NDUFAF2: variants seen among roughly 807,000 people sequenced by gnomAD.
NDUFAF2 encodes the protein NADH:ubiquinone oxidoreductase complex assembly factor 2.
Under a neutral mutation model 22.8 loss-of-function variants are expected in NDUFAF2, and 13 were observed. That is an observed-to-expected ratio of 0.57 (90% CI 0.37 to 0.91). The LOEUF is 0.91. Among genes scored for constraint, NDUFAF2 ranks in the 40% least tolerant of loss-of-function variants. NDUFAF2 has a pLI of 0.01. For synonymous variants in NDUFAF2, 53 were observed against 64.2 expected, an observed-to-expected ratio of 0.83 and a Z score of 0.84; for missense variants, 162 against 195.2, an observed-to-expected ratio of 0.83 and a Z score of 1.01.
intron 3 of NDUFAF2, among the ~76,000 whole-genome samples, chr5:61,125,159 C>T (rs772487018): frequency 2.6e-5 from 4 of 151,992 alleles, no homozygotes; most frequent in Non-Finnish European, 5.9e-5. Flanking sequence ...CACACTGTGT[C>T]ACATTGTTTC....
intron 3 of NDUFAF2, among the ~76,000 whole-genome samples, chr5:61,106,567 T>A (rs895433044): frequency 3.2e-4 from 48 of 151,530 alleles, no homozygotes; most frequent in Middle Eastern, 3.4e-3. Flanking sequence ...TATACTCTTT[T>A]AGTTATTTGA....
intron 1 of NDUFAF2, among the ~76,000 whole-genome samples, chr5:60,958,481 T>C (rs1348349184): frequency 6.6e-6 from 1 of 152,198 alleles, no homozygotes; most frequent in Admixed American, 6.5e-5. Flanking sequence ...ATGATAACTA[T>C]TATTTATTAG....
intron 1 of NDUFAF2, among the ~76,000 whole-genome samples, chr5:61,027,709 A>G (rs1356756060): frequency 6.6e-6 from 1 of 151,934 alleles, no homozygotes; most frequent in African/African-American, 2.4e-5. Context: ...GCTATTTTCA[A>G]CATTCCAAAA....
At chr5:61,024,859 A>G (rs533904887) in intron 1 of NDUFAF2, among the ~76,000 whole-genome samples, 16 of 152,246 alleles carry the variant, frequency 1.1e-4, no homozygotes, top group Admixed American at 9.2e-4. Flanking sequence ...ATCATACTAC[A>G]TATCAGCCTT....
At chr5:60,955,702 C>T (rs1023903128) in intron 1 of NDUFAF2, among the ~76,000 whole-genome samples, 2 of 152,152 alleles carry the variant, frequency 1.3e-5, no homozygotes, top group Admixed American at 6.5e-5. Flanking sequence ...AGTCCATGAA[C>T]ATATCAGATG....
At chr5:60,990,153 G>T (rs1345115151) in intron 1 of NDUFAF2, among the ~76,000 whole-genome samples, 1 of 151,328 alleles carries the variant, frequency 6.6e-6, no homozygotes, top group African/African-American at 2.5e-5. Flanking sequence ...CAGAGGTTAG[G>T]AAGGGTTCCG....
At chr5:60,953,309 T>C (rs1253525992) in intron 1 of NDUFAF2, among the ~76,000 whole-genome samples, 1 of 152,036 alleles carries the variant, frequency 6.6e-6, no homozygotes, top group East Asian at 1.9e-4. Flanking sequence ...TGGAAGACAG[T>C]GGAACAATAT....
In NDUFAF2 at chr5:61,052,384, T is replaced by C. The variant is rs140419694; in HGVS notation, c.128-20741T>C. ...GGAGTGCAGTGGTGCGTTCTCTGCTTACTGCAAGCTCCGCCTCCCGGGTTC... is the reference window on the plus strand; with the variant it reads ...GGAGTGCAGTGGTGCGTTCTCTGCTCACTGCAAGCTCCGCCTCCCGGGTTC... On this transcript the variant is annotated intron_variant, in intron 1 of 3. Transcript: ENST00000296597. Among the ~76,000 whole-genome samples, 823 of 152,222 alleles carry C rather than the reference T, an allele frequency of 5.4e-3. 18 individuals are homozygous for C. The highest frequency in any genetic ancestry group is 0.052 in the East Asian group (270 of 5,162).
chr5:61,141,783 A>G (rs371455171), intron 3 of NDUFAF2, among the ~76,000 whole-genome samples: 72 of 152,098 alleles, frequency 4.7e-4, no homozygotes, highest in African/African-American at 1.7e-3. Flanking sequence ...CTCTGACCAT[A>G]TTTTTTATTC....
At chr5:61,090,686 A>T (rs899578429) in intron 2 of NDUFAF2, among the ~76,000 whole-genome samples, 6 of 150,150 alleles carry the variant, frequency 4.0e-5, no homozygotes, top group Non-Finnish European at 7.4e-5. Context: ...CTTTATTTTT[A>T]AAAAAACTTT....
chr5:60,947,818 C>A (rs1361881274), intron 1 of NDUFAF2, among the ~76,000 whole-genome samples: 1 of 150,670 alleles, frequency 6.6e-6, no homozygotes, highest in African/African-American at 2.4e-5. Flanking sequence ...TATATTTATA[C>A]CAGTTTTTGT....
At chr5:61,135,406 C>T (rs923438635) in intron 3 of NDUFAF2, among the ~76,000 whole-genome samples, 4 of 152,004 alleles carry the variant, frequency 2.6e-5, no homozygotes, top group African/African-American at 9.7e-5. Flanking sequence ...GGAAGGGGCT[C>T]CCACTGGCCA....
At chr5:61,030,530 A>C (rs1751709697) in intron 1 of NDUFAF2, among the ~76,000 whole-genome samples, 1 of 151,954 alleles carries the variant, frequency 6.6e-6, no homozygotes. Flanking sequence ...TTTCTTTTTG[A>C]GGTATCAACT....
chr5:61,013,137 G>A (rs1450876306), intron 1 of NDUFAF2, among the ~76,000 whole-genome samples: 4 of 152,186 alleles, frequency 2.6e-5, no homozygotes, highest in South Asian at 4.1e-4. Flanking sequence ...TGTTAGTGTT[G>A]CAAGCATTCA....
chr5:61,128,385 C>T (rs1753064671), intron 3 of NDUFAF2, among the ~76,000 whole-genome samples: 1 of 152,154 alleles, frequency 6.6e-6, no homozygotes, highest in East Asian at 1.9e-4. Flanking sequence ...ATCACGCTAC[C>T]TGACTTCAAA....
chr5:60,958,852 A>G (rs1750650257), intron 1 of NDUFAF2, among the ~76,000 whole-genome samples: 2 of 152,122 alleles, frequency 1.3e-5, no homozygotes, highest in Non-Finnish European at 2.9e-5. Flanking sequence ...AAATAGGAGT[A>G]TCTTTTCATA....
chr5:61,072,362 G>C (rs1752310660), intron 1 of NDUFAF2, among the ~76,000 whole-genome samples: 2 of 152,212 alleles, frequency 1.3e-5, no homozygotes, highest in South Asian at 4.1e-4. Flanking sequence ...GTGTATTAGG[G>C]AGAGGGTGGC....
At chr5:60,968,342 G>T (rs1271687637) in intron 1 of NDUFAF2, among the ~76,000 whole-genome samples, 2 of 151,410 alleles carry the variant, frequency 1.3e-5, no homozygotes, top group Admixed American at 6.6e-5. Flanking sequence ...CTTTTTATCT[G>T]CTCTGATATT....
intron 1 of NDUFAF2, among the ~76,000 whole-genome samples, chr5:61,023,686 A>G (rs1350819447): frequency 6.6e-6 from 1 of 152,122 alleles, no homozygotes; most frequent in Non-Finnish European, 1.5e-5. Context: ...AGAGTTTTTT[A>G]TGTTTTAGTG....
Sources: allele counts gnomAD v4.1 joint callset (sites outside exome capture counted in the v4.1 genomes callset), GRCh38; gene constraint gnomAD v4.1.1; transcripts MANE v1.5; gene names NCBI Gene and HGNC (gene_info 2026-07-23, HGNC 2026-07-21).